Variants in IMMP2L observed in about 807,000 individuals in gnomAD.
The protein encoded by IMMP2L is mitochondrial inner membrane protease subunit 2.
A neutral mutation model predicts 19.3 loss-of-function variants in IMMP2L; 18 were observed. The observed-to-expected ratio is 0.93, with a 90% confidence interval of 0.64 to 1.38. The LOEUF (loss-of-function observed/expected upper bound fraction) is 1.38. Ranked by LOEUF, IMMP2L falls within the 40% of genes most tolerant of loss-of-function variation. The pLI is 0.00. For synonymous variants in IMMP2L, 76 were observed against 73.0 expected, an observed-to-expected ratio of 1.04 and a Z score of -0.21; for missense variants, 233 against 218.2, an observed-to-expected ratio of 1.07 and a Z score of -0.43.
intron 3 of IMMP2L, among the ~76,000 whole-genome samples, chr7:111,458,712 G>A (rs1167705212): frequency 1.3e-5 from 2 of 151,880 alleles, no homozygotes; most frequent in Non-Finnish European, 2.9e-5. Context: ...CCTTCATCTT[G>A]ATTCACTCCT....
intron 3 of IMMP2L, among the ~76,000 whole-genome samples, chr7:111,429,903 A>AC (rs113849583): frequency 0.021 from 3,233 of 151,998 alleles, 200 homozygotes; most frequent in African/African-American, 0.074. Flanking sequence ...GAAAAGGGCA[A>AC]ACAGTATTAT....
intron 4 of IMMP2L, among the ~76,000 whole-genome samples, chr7:110,917,872 G>A (rs1231190559): frequency 3.9e-5 from 6 of 152,128 alleles, no homozygotes; most frequent in Admixed American, 2.6e-4. Context: ...AAATTTATGG[G>A]CAGAATGAAC....
At chr7:110,685,838 G>A (rs1333399122) in intron 5 of IMMP2L, among the ~76,000 whole-genome samples, 1 of 151,974 alleles carries the variant, frequency 6.6e-6, no homozygotes, top group Non-Finnish European at 1.5e-5. Flanking sequence ...CTCTGGTAGA[G>A]GCATTTGCAG....
intron 3 of IMMP2L, among the ~76,000 whole-genome samples, chr7:111,162,689 T>C (rs1805397073): frequency 6.7e-6 from 1 of 149,724 alleles, no homozygotes; most frequent in South Asian, 2.3e-4. Context: ...TTAGATAAAA[T>C]TTCCAGCTAG....
At chr7:111,428,020 G>A (rs780864182) in intron 3 of IMMP2L, among the ~76,000 whole-genome samples, 3 of 151,578 alleles carry the variant, frequency 2.0e-5, no homozygotes, top group Admixed American at 1.3e-4. Flanking sequence ...TTCATGATAC[G>A]CTCCTGGTAC....
intron 3 of IMMP2L, among the ~76,000 whole-genome samples, chr7:111,042,731 C>G (rs1792019031): frequency 6.6e-6 from 1 of 152,160 alleles, no homozygotes; most frequent in Admixed American, 6.5e-5. Context: ...TGACTAACAT[C>G]TAAATTGGGA....
chr7:110,759,473 C>A (rs1441611758), intron 5 of IMMP2L, among the ~76,000 whole-genome samples: 6 of 152,052 alleles, frequency 3.9e-5, no homozygotes. Flanking sequence ...TAAATGGATA[C>A]TAAGGCAGAA....
chr7:110,926,158 T>C (rs1454830754), intron 4 of IMMP2L, among the ~76,000 whole-genome samples: 1 of 152,040 alleles, frequency 6.6e-6, no homozygotes, highest in Non-Finnish European at 1.5e-5. Context: ...AGTAAAAAGA[T>C]TTAAATTGTT....
At chr7:110,957,191 A>T (rs1818439751) in intron 4 of IMMP2L, among the ~76,000 whole-genome samples, 1 of 151,890 alleles carries the variant, frequency 6.6e-6, no homozygotes, top group African/African-American at 2.4e-5. Context: ...GGCCCTCCCC[A>T]GTCTCATCTT....
At chr7:110,856,251 CTTAGT>C (rs1316728911) in intron 5 of IMMP2L, among the ~76,000 whole-genome samples, 1 of 151,874 alleles carries the variant, frequency 6.6e-6, no homozygotes, top group Non-Finnish European at 1.5e-5. Context: ...GTTTAAAGCT[CTTAGT>C]TTATTCTTTT....
At chr7:111,155,006 A>G (rs1586603206) in intron 3 of IMMP2L, among the ~76,000 whole-genome samples, 1 of 152,018 alleles carries the variant, frequency 6.6e-6, no homozygotes, top group Admixed American at 6.6e-5. Context: ...GATCTCCTAC[A>G]CCTTGGCTTC....
intron 1 of IMMP2L, among the ~76,000 whole-genome samples, chr7:111,529,512 C>A (rs1209591291): frequency 2.6e-5 from 4 of 152,086 alleles, no homozygotes; most frequent in African/African-American, 9.7e-5. Context: ...TATCTTTAGT[C>A]TTGTCTGACC....
intron 2 of IMMP2L, among the ~76,000 whole-genome samples, chr7:111,490,825 T>C (rs1441838684): frequency 6.6e-6 from 1 of 152,168 alleles, no homozygotes; most frequent in Non-Finnish European, 1.5e-5. Context: ...CTAATAATAA[T>C]AGCCAGACAT....
intron 5 of IMMP2L, among the ~76,000 whole-genome samples, chr7:110,810,679 G>A (rs879467213): frequency 2.6e-4 from 40 of 152,168 alleles, no homozygotes; most frequent in Non-Finnish European, 4.9e-4. Context: ...TGGGATTAAT[G>A]AGCCTCAAAT....
At chr7:111,322,640 A>G (rs1226165661) in intron 3 of IMMP2L, among the ~76,000 whole-genome samples, 1 of 151,698 alleles carries the variant, frequency 6.6e-6, no homozygotes, top group East Asian at 1.9e-4. Context: ...TAATATTAAT[A>G]CTAATATACA....
chr7:111,498,077 T>G (rs1843764150), intron 2 of IMMP2L, among the ~76,000 whole-genome samples: 1 of 152,024 alleles, frequency 6.6e-6, no homozygotes, highest in Non-Finnish European at 1.5e-5. Context: ...TATATCCTCT[T>G]ATTACTAATA....
At chr7:110,890,026 T>C (rs547539778) in intron 4 of IMMP2L, among the ~76,000 whole-genome samples, 1 of 152,212 alleles carries the variant, frequency 6.6e-6, no homozygotes, top group Non-Finnish European at 1.5e-5. Context: ...CATTATTTTC[T>C]TTCATTTTAT....
At chr7:111,047,187 TTTTTTTTTTG>T (rs1305359283) in intron 3 of IMMP2L, among the ~76,000 whole-genome samples, 3 of 137,848 alleles carry the variant, frequency 2.2e-5, no homozygotes, top group Admixed American at 6.8e-5. Flanking sequence ...TTTTTTTTTG[TTTTTTTTTTG>T]TTTTTTTTGA....
At chr7:111,274,874 G>C (rs1374517120) in intron 3 of IMMP2L, among the ~76,000 whole-genome samples, 1 of 152,104 alleles carries the variant, frequency 6.6e-6, no homozygotes, top group African/African-American at 2.4e-5. Flanking sequence ...AGAATTAACA[G>C]AGTGCAGACA....
Sources: allele counts gnomAD v4.1 joint callset (sites outside exome capture counted in the v4.1 genomes callset), GRCh38; gene constraint gnomAD v4.1.1; transcripts MANE v1.5; gene names NCBI Gene and HGNC (gene_info 2026-07-23, HGNC 2026-07-21).